The following MTUS2 variants were observed in gnomAD, a reference collection of about 807,000 sequenced individuals.
MTUS2 encodes the protein microtubule associated scaffold protein 2, also known as microtubule-associated tumor suppressor candidate 2.
A neutral mutation model predicts 114.1 loss-of-function variants in MTUS2; 40 were observed. The observed-to-expected ratio is 0.35, with a 90% CI of 0.27 to 0.46. The LOEUF (loss-of-function observed/expected upper bound fraction) is 0.46, where lower values mean the gene tolerates loss of function less well. MTUS2 is among the 20% of genes least tolerant of loss of function. The probability of loss-of-function intolerance (pLI) is 1.00; values close to 1 mark genes in which losing one functional copy is unlikely to be tolerated. For synonymous variants in MTUS2, 688 were observed against 672.0 expected, an observed-to-expected ratio of 1.02 and a Z score of -0.37; for missense variants, 1,679 against 1,705.4, an observed-to-expected ratio of 0.98 and a Z score of 0.27.
chr13:29,201,829 GC>G (rs1219127475), intron 5 of MTUS2, among the ~76,000 whole-genome samples: 2 of 152,072 alleles, frequency 1.3e-5, no homozygotes, highest in Non-Finnish European at 1.5e-5. Flanking sequence ...TTGAATATTG[GC>G]CCCCACTCTC....
chr13:29,155,794 T>C (rs1284822014), intron 5 of MTUS2, among the ~76,000 whole-genome samples: 2 of 152,184 alleles, frequency 1.3e-5, no homozygotes, highest in Non-Finnish European at 2.9e-5. Flanking sequence ...TGTATACTCA[T>C]CTAGATTATA....
chr13:28,896,813 A>G (rs952169206), intron 2 of MTUS2, among the ~76,000 whole-genome samples: 4 of 152,244 alleles, frequency 2.6e-5, no homozygotes, highest in Non-Finnish European at 5.9e-5. Flanking sequence ...AGGATTCCCT[A>G]TTTAATAAAT....
chr13:28,963,237 A>G (rs1883415681), intron 2 of MTUS2, among the ~76,000 whole-genome samples: 1 of 151,954 alleles, frequency 6.6e-6, no homozygotes, highest in South Asian at 2.1e-4. Context: ...TGTAGTCCCA[A>G]CTACTCGGGA....
intron 2 of MTUS2, among the ~76,000 whole-genome samples, chr13:28,949,017 A>G (rs949669861): frequency 3.3e-5 from 5 of 152,200 alleles, no homozygotes; most frequent in Non-Finnish European, 5.9e-5. Context: ...TATCCAGTGT[A>G]TTTTATATGT....
chr13:29,332,202 G>A (rs552400738), intron 7 of MTUS2, among the ~76,000 whole-genome samples: 5 of 152,246 alleles, frequency 3.3e-5, no homozygotes, highest in South Asian at 2.1e-4. Context: ...GCCGTTTTTC[G>A]TTGGTAGGCT....
At chr13:28,919,991 T>G (rs796374984) in intron 2 of MTUS2, among the ~76,000 whole-genome samples, 1 of 152,366 alleles carries the variant, frequency 6.6e-6, no homozygotes, top group East Asian at 1.9e-4. Context: ...CTTGATTTCT[T>G]TGAGTTTCCT....
chr13:28,986,827 T>C (rs1207385743), intron 2 of MTUS2, among the ~76,000 whole-genome samples: 2 of 152,230 alleles, frequency 1.3e-5, no homozygotes, highest in African/African-American at 4.8e-5. Flanking sequence ...ATTAAAATAA[T>C]TAAATTAAGA....
intron 8 of MTUS2, among the ~76,000 whole-genome samples, chr13:29,376,195 T>C (rs1167209734): frequency 1.3e-5 from 2 of 152,170 alleles, no homozygotes; most frequent in Non-Finnish European, 2.9e-5. Flanking sequence ...TTCTTTAAAG[T>C]ATATTCAAGG....
intron 2 of MTUS2, among the ~76,000 whole-genome samples, chr13:28,917,543 A>C (rs1007702882): frequency 1.3e-5 from 2 of 148,724 alleles, no homozygotes; most frequent in East Asian, 3.9e-4. Context: ...GATTCTTTGA[A>C]TTTCTATGAT....
At chr13:29,123,644 G>C (rs945378500) in intron 5 of MTUS2, among the ~76,000 whole-genome samples, 1 of 152,130 alleles carries the variant, frequency 6.6e-6, no homozygotes. Context: ...TTACACCTGG[G>C]AGTGGAGGAG....
chr13:28,838,947 A>C (rs951548170), intron 1 of MTUS2, among the ~76,000 whole-genome samples: 2 of 152,198 alleles, frequency 1.3e-5, no homozygotes, highest in African/African-American at 4.8e-5. Context: ...TATGTTGAGC[A>C]ATAGGTAGTT....
intron 6 of MTUS2, among the ~76,000 whole-genome samples, chr13:29,285,094 AAAAAAAAAAGG>A (rs1382343666): frequency 6.7e-6 from 1 of 149,354 alleles, no homozygotes; most frequent in East Asian, 1.9e-4. Context: ...GGTAAAAAAG[AAAAAAAAAAGG>A]AAAAACTGAA....
intron 4 of MTUS2, among the ~76,000 whole-genome samples, chr13:29,068,987 G>A (rs57288419): frequency 0.017 from 2,512 of 152,196 alleles, 56 homozygotes; most frequent in African/African-American, 0.057. Context: ...GGTAGGGTAG[G>A]AAGGATTGGA....
intron 1 of MTUS2, among the ~76,000 whole-genome samples, chr13:28,829,594 A>G (rs1372849750): frequency 6.6e-6 from 1 of 152,152 alleles, no homozygotes; most frequent in Non-Finnish European, 1.5e-5. Context: ...ACAGGTTTAG[A>G]GCCCTCTAAG....
intron 4 of MTUS2, among the ~76,000 whole-genome samples, chr13:29,097,226 T>A (rs1004850491): frequency 3.9e-5 from 6 of 152,236 alleles, no homozygotes; most frequent in African/African-American, 1.2e-4. Flanking sequence ...CTGTTCTTAC[T>A]GGATTTAGTA....
intron 5 of MTUS2, among the ~76,000 whole-genome samples, chr13:29,201,023 G>A (rs148400097): frequency 1.2e-3 from 178 of 152,210 alleles, no homozygotes; most frequent in African/African-American, 4.1e-3. Context: ...TGTCTATTAG[G>A]TCTGCTTGGT....
intron 4 of MTUS2, among the ~76,000 whole-genome samples, chr13:29,050,748 A>G (rs759773720): frequency 3.3e-5 from 5 of 152,198 alleles, no homozygotes; most frequent in African/African-American, 4.8e-5. Flanking sequence ...AGAATATGCC[A>G]TGTTGGTTTC....
At chr13:28,881,602 T>C (rs573516337) in intron 2 of MTUS2, among the ~76,000 whole-genome samples, 1 of 152,358 alleles carries the variant, frequency 6.6e-6, no homozygotes, top group South Asian at 2.1e-4. Flanking sequence ...CAACAGTGTA[T>C]GAGCATTCCC....
At chr13:29,367,605 AG>A (rs928371087) in intron 8 of MTUS2, among the ~76,000 whole-genome samples, 108 of 152,248 alleles carry the variant, frequency 7.1e-4, no homozygotes, top group African/African-American at 2.3e-3. Flanking sequence ...GAGAAGGGTC[AG>A]GGGGACCTGG....
Sources: gnomAD v4.1 joint callset for allele counts (sites outside exome capture counted in the v4.1 genomes callset) on GRCh38, gnomAD v4.1.1 for gene constraint, MANE v1.5 for transcripts, NCBI Gene and HGNC (gene_info 2026-07-23, HGNC 2026-07-21) for gene names.